BCL2L10: variants seen among roughly 807,000 people sequenced by gnomAD.
BCL2L10 encodes BCL2 like 10.
In BCL2L10, 14 loss-of-function variants were observed where a neutral mutation model predicts 11.1. That is an observed-to-expected ratio of 1.26 (90% confidence interval 0.83 to 1.96). The LOEUF (loss-of-function observed/expected upper bound fraction) is 1.96. Ranked by LOEUF, BCL2L10 falls within the 30% of genes most tolerant of loss-of-function variation. BCL2L10 has a pLI of 0.00. For synonymous variants in BCL2L10, 154 were observed against 133.4 expected, an observed-to-expected ratio of 1.15 and a Z score of -1.07; for missense variants, 309 against 273.9, an observed-to-expected ratio of 1.13 and a Z score of -0.90.
chr15:52,111,420 G>T (rs898297566), intron 1 of BCL2L10, among the ~76,000 whole-genome samples: 1 of 147,822 alleles, frequency 6.8e-6, no homozygotes, highest in South Asian at 2.1e-4. Context: ...GCTACATTTC[G>T]GATCAAAAAA....
At chr15:52,112,164 TCA>T (rs1219164003) in intron 1 of BCL2L10, 72 bp downstream of exon 1, 1 of 1,410,282 alleles carries the variant, frequency 7.1e-7, no homozygotes, top group Non-Finnish European at 9.2e-7. Flanking sequence ...GGTGGGTTCC[TCA>T]CCGTGCCAGC....
intron 1 of BCL2L10, among the ~76,000 whole-genome samples, chr15:52,110,912 A>G (rs1026798025): frequency 2.0e-4 from 30 of 152,164 alleles, no homozygotes; most frequent in Admixed American, 2.0e-3. Flanking sequence ...TTAGGCACGC[A>G]GCTGAAGGGA....
chr15:52,110,054 A>T (rs2033031001), intron 1 of BCL2L10, 81 bp from the exon 2 acceptor site: 1 of 1,353,546 alleles, frequency 7.4e-7, no homozygotes, highest in African/African-American at 1.5e-5. Flanking sequence ...TTCCAGATTA[A>T]ACAGCAAAGT....
At position 52,109,827 on chromosome 15, in the gene BCL2L10, G is replaced by A; in HGVS notation, c.*21C>T. The A allele has an allele frequency of 6.2e-7, 1 of 1,612,908 alleles. No homozygotes were observed. The highest frequency in any genetic ancestry group is 8.5e-7 in the Non-Finnish European group (1 of 1,179,358). ...GTTGGTCACAGTTGGGCAGGTAGAA[G>A]CGGGTTAAAAGTTTTAAAACTCATA... On this transcript the variant is annotated 3_prime_UTR_variant, in exon 2 of 2. Transcript: ENST00000260442.
intron 1 of BCL2L10, 46 bp downstream of exon 1, chr15:52,112,192 C>A: frequency 7.0e-7 from 1 of 1,432,608 alleles, no homozygotes; most frequent in Non-Finnish European, 9.1e-7. Flanking sequence ...GGGCGCTTCC[C>A]GGCTGCCCGT....
chr15:52,111,173 A>AAAACACACACACAC (rs768251892), intron 1 of BCL2L10, among the ~76,000 whole-genome samples: 19 of 121,806 alleles, frequency 1.6e-4, no homozygotes, highest in Admixed American at 1.7e-4. Flanking sequence ...CTCTACTGAA[A>AAAACACACACACAC]ACACACACAC....
chr15:52,112,180 G>A (rs2033065770), intron 1 of BCL2L10, 58 bp downstream of exon 1: 3 of 1,421,096 alleles, frequency 2.1e-6, no homozygotes, highest in East Asian at 2.7e-5. Flanking sequence ...TGCCAGCCTC[G>A]TGGGCGCTTC....
rs763029281 is a variant in BCL2L10, at chr15:52,112,560, A to T, written c.167T>A (p.Leu56Ter). 6.3e-7 allele frequency: 1 copy of T among 1,583,820 alleles called. No homozygotes were observed. The highest frequency in any genetic ancestry group is 8.5e-7 in the Non-Finnish European group (1 of 1,171,826). Residue 56 changes from leucine to a stop codon, truncating the protein, a stop_gained, in exon 1 of 2, where the codon TTA becomes TAA. Transcript: ENST00000260442. LOFTEE classifies it high-confidence loss of function. Reference sequence around the variant, plus strand: ...GAAAAAGGACCGGTGAATCTGCCGTAACCTGGCGGCCGCGGAGCGCAGCAC... The same window carrying T: ...GAAAAAGGACCGGTGAATCTGCCGTTACCTGGCGGCCGCGGAGCGCAGCAC... ...AAVLRSAAAR[L>*]RQIHRSFFSA...
At chr15:52,111,216 A>ACACG (rs1360594535) in intron 1 of BCL2L10, among the ~76,000 whole-genome samples, 6 of 148,392 alleles carry the variant, frequency 4.0e-5, no homozygotes, top group African/African-American at 1.5e-4. Flanking sequence ...ACACACACAC[A>ACACG]CAGTTAGCCA....
intron 1 of BCL2L10, among the ~76,000 whole-genome samples, chr15:52,111,173 AACACACACACACACACACACACAC>A (rs71130130): frequency 3.3e-4 from 40 of 121,806 alleles, no homozygotes; most frequent in African/African-American, 6.7e-4. Flanking sequence ...CTCTACTGAA[AACACACACACACACACACACACAC>A]ACACACACAC....
At position 52,112,481 on chromosome 15, in the gene BCL2L10, C is replaced by A; in HGVS notation, c.246G>T (p.Ala82=). 1.9e-6 allele frequency: 3 copies of A among 1,603,170 alleles called. No individual in the cohort carries two copies. Among genetic ancestry groups the A allele is most frequent in the South Asian group, 1.1e-5 (1 of 90,702 alleles). ...CGGGGCTGTCGGAGAGCACGGAATC[C>A]GCCATCAGCGCCACCAGCTCGAAGC... is the stretch of plus-strand genomic sequence containing the variant. ...GNRFELVALM[A]DSVLSDSPGP... Residue 82 remains alanine (A), a synonymous_variant, in exon 1 of 2, where the codon GCG becomes GCT. Transcript: ENST00000260442.
At chr15:52,110,479 G>A (rs2033038079) in intron 1 of BCL2L10, among the ~76,000 whole-genome samples, 1 of 152,080 alleles carries the variant, frequency 6.6e-6, no homozygotes, top group Non-Finnish European at 1.5e-5. Context: ...TGGTGCCCAG[G>A]CTGGAGTGCA....
chr15:52,110,466 T>C (rs1430753310), intron 1 of BCL2L10, among the ~76,000 whole-genome samples: 1 of 151,856 alleles, frequency 6.6e-6, no homozygotes. Context: ...AGAGTTTCGC[T>C]CTTGGTGCCC....
chr15:52,112,613 C>T lies in BCL2L10; in HGVS notation c.114G>A (p.Glu38=). ...CGGCCTCGGGCGTGGATGGCGCCGG[C>T]TCGGGGGTGCCGGGTTCCCGGGCGC... The part of the protein sequence containing the change: ...GYCAREPGTP[E]PAPSTPEAAV... The change falls in exon 1 of 2, where the codon GAG becomes GAA. Residue 38 remains glutamate, a synonymous_variant. Coordinates refer to ENST00000260442, the MANE Select transcript of BCL2L10 (RefSeq NM_020396.4). The T allele has an allele frequency of 7.0e-6, 11 of 1,572,544 alleles. No individual in the cohort carries two copies. The highest frequency in any genetic ancestry group is 9.4e-6 in the Non-Finnish European group (11 of 1,167,650).
intron 1 of BCL2L10, 76 bp from the exon 2 acceptor site, chr15:52,110,049 G>C (rs1005748183): frequency 2.9e-6 from 4 of 1,379,690 alleles, no homozygotes; most frequent in East Asian, 2.3e-5. Flanking sequence ...GGAACTTCCA[G>C]ATTAAACAGC....
At chr15:52,112,087 G>A (rs1451579332) in intron 1 of BCL2L10, 151 bp downstream of exon 1, 24 of 1,347,700 alleles carry the variant, frequency 1.8e-5, no homozygotes, top group Non-Finnish European at 1.9e-6. Flanking sequence ...ACTTCACAGC[G>A]AACGTTCCAG....
In BCL2L10 at chr15:52,109,518, G is replaced by A. The variant is rs1043591236; in HGVS notation, c.*330C>T. ...CACATGAAGTTGTGGAGAGATGAGA[G>A]GTTCGCACTCTTATCCAAGTTTTAG... On this transcript the variant is annotated 3_prime_UTR_variant, in exon 2 of 2. Transcript: ENST00000260442. 2 of 204,186 alleles carry A rather than the reference G, an allele frequency of 9.8e-6. No homozygotes were observed. Among genetic ancestry groups the A allele is most frequent in the Non-Finnish European group, 1.9e-5 (2 of 102,846 alleles). The allele number at this position is 204,186 out of a possible 1,614,324, so 12.6% of individuals were successfully genotyped here.
rs376094823 is a variant in BCL2L10 at position 52,110,681 on chromosome 15, C to T, written c.490-708G>A. Among the ~76,000 whole-genome samples, 709 of 152,258 alleles carry T rather than the reference C, an allele frequency of 4.7e-3. 4 individuals are homozygous for T. Among genetic ancestry groups the T allele is most frequent in the African/African-American group, 0.017 (694 of 41,552 alleles). On this transcript the variant is annotated intron_variant, in intron 1 of 1. Coordinates refer to ENST00000260442, the MANE Select transcript of BCL2L10 (RefSeq NM_020396.4). ...CTCCTGGCCTCAGGTGATCCACCTG[C>T]CTTGGCCTCCCAAAGTGCTGGGATT...
chr15:52,110,539 T>C (rs977949052), intron 1 of BCL2L10, among the ~76,000 whole-genome samples: 2 of 152,114 alleles, frequency 1.3e-5, no homozygotes, highest in Admixed American at 1.3e-4. Context: ...GTTCAAGCGA[T>C]TCTCCTGGCT....
Sources: gnomAD v4.1 joint callset for allele counts (sites outside exome capture counted in the v4.1 genomes callset) on GRCh38, gnomAD v4.1.1 for gene constraint, MANE v1.5 for transcripts, NCBI Gene and HGNC (gene_info 2026-07-23, HGNC 2026-07-21) for gene names.